Variants in NNT observed in about 807,000 individuals in gnomAD.
NNT encodes NAD(P) transhydrogenase, mitochondrial.
A neutral mutation model predicts 104.8 loss-of-function variants in NNT; 50 were observed. The observed-to-expected ratio is 0.48, with a 90% CI of 0.38 to 0.60. NNT has a LOEUF of 0.60. NNT is among the 20% of genes least tolerant of loss of function. The pLI, the probability that NNT is intolerant of heterozygous loss-of-function variation, is 0.00. For synonymous variants in NNT, 461 were observed against 490.4 expected, an observed-to-expected ratio of 0.94 and a Z score of 0.79; for missense variants, 1,131 against 1,330.7, an observed-to-expected ratio of 0.85 and a Z score of 2.33.
intron 6 of NNT, among the ~76,000 whole-genome samples, chr5:43,627,505 C>T (rs1164935316): frequency 6.6e-6 from 1 of 152,036 alleles, no homozygotes. Context: ...TGAGATTTAC[C>T]ATAGTGGAAT....
intron 15 of NNT, 80 bp from the exon 16 acceptor site, chr5:43,656,573 G>C: frequency 7.6e-7 from 1 of 1,308,694 alleles, no homozygotes; most frequent in Non-Finnish European, 1.1e-6. Context: ...AGAGATGACT[G>C]TGTAGAATTC....
Position 43,609,339 on chromosome 5 carries a change from A to G in NNT, c.144A>G (p.Val48=), listed in dbSNP as rs150910464. The change falls in exon 2 of 22, where the codon GTA becomes GTG. Residue 48 remains valine, a synonymous_variant. Transcript: ENST00000344920. The part of the protein sequence containing the change: ...THQELWCKAP[V]KPGIPYKQLT... ...AAGAACTGTGGTGTAAAGCGCCTGTAAAACCAGGTAAAGTCTCACTTCAGT... is the reference window on the plus strand; with the variant it reads ...AAGAACTGTGGTGTAAAGCGCCTGTGAAACCAGGTAAAGTCTCACTTCAGT... The G allele has an allele frequency of 6.6e-4, 1,073 of 1,613,898 alleles. 2 individuals are homozygous for G. The highest frequency in any genetic ancestry group is 1.8e-3 in the South Asian group (162 of 91,020).
At chr5:43,643,165 C>G (rs1166404518) in intron 7 of NNT, among the ~76,000 whole-genome samples, 1 of 152,156 alleles carries the variant, frequency 6.6e-6, no homozygotes, top group African/African-American at 2.4e-5. Context: ...TGATCCTCCC[C>G]ACCTCAGCCT....
In NNT at chr5:43,677,765, T is replaced by C; in HGVS notation, c.2835T>C (p.Ala945=). Residue 945 remains alanine, a synonymous_variant, in exon 19 of 22, where the codon GCT becomes GCC. Coordinates refer to ENST00000344920, the MANE Select transcript of NNT (RefSeq NM_182977.3). ...LCAAKAQYPI[A]DLVKMLTEQG... ...CAGCCAAAGCTCAATACCCCATTGC[T>C]GATTTGGTAAAGATGCTCACTGAGC... 1 of 1,613,816 alleles carries C rather than the reference T, an allele frequency of 6.2e-7. No homozygotes were observed. The highest frequency in any genetic ancestry group is 8.5e-7 in the Non-Finnish European group (1 of 1,179,734).
intron 19 of NNT, among the ~76,000 whole-genome samples, chr5:43,697,878 C>T (rs1402352693): frequency 6.6e-6 from 1 of 152,156 alleles, no homozygotes; most frequent in Non-Finnish European, 1.5e-5. Context: ...AGAGCTGCCC[C>T]CATGATTCAG....
intron 1 of NNT, among the ~76,000 whole-genome samples, chr5:43,604,547 C>T (rs1749103523): frequency 6.6e-6 from 1 of 152,144 alleles, no homozygotes. Flanking sequence ...GGTCACCTAG[C>T]CCTATTCATT....
chr5:43,629,329 A>G (rs1313704597), intron 7 of NNT, among the ~76,000 whole-genome samples: 1 of 152,140 alleles, frequency 6.6e-6, no homozygotes, highest in Non-Finnish European at 1.5e-5. Flanking sequence ...GCTGAGTGGT[A>G]TTCCATGGTG....
At position 43,642,267 on chromosome 5, in the gene NNT, G is replaced by A. The variant is rs114834372; in HGVS notation, c.965-1925G>A. On this transcript the variant is annotated intron_variant, in intron 7 of 21. Coordinates refer to ENST00000344920, the MANE Select transcript of NNT (RefSeq NM_182977.3). Reference sequence around the variant, plus strand: ...AAAGTACAGGTAGCCCTTTAAATGCGCCCCTCTATGTTGAGGCGGCCATAT... The same window carrying A: ...AAAGTACAGGTAGCCCTTTAAATGCACCCCTCTATGTTGAGGCGGCCATAT... Among the ~76,000 whole-genome samples the A allele has an allele frequency of 5.7e-3, 860 of 152,200 alleles. 6 individuals carry two copies. Among genetic ancestry groups the A allele is most frequent in the African/African-American group, 0.019 (780 of 41,516 alleles).
intron 2 of NNT, among the ~76,000 whole-genome samples, chr5:43,612,108 A>G (rs1009544099): frequency 1.3e-5 from 2 of 152,154 alleles, no homozygotes; most frequent in South Asian, 2.1e-4. Context: ...TGATGTTTCT[A>G]TCACTGTTAC....
chr5:43,685,972 C>T (rs907601300), intron 19 of NNT, among the ~76,000 whole-genome samples: 1 of 152,054 alleles, frequency 6.6e-6, no homozygotes, highest in Non-Finnish European at 1.5e-5. Flanking sequence ...TTTTGAATTG[C>T]TTCTTCTTCA....
In NNT at chr5:43,675,503, C is replaced by T. The variant is rs1421769312; in HGVS notation, c.2635-8C>T. The T allele has an allele frequency of 1.2e-6, 2 of 1,604,380 alleles. No homozygotes were observed. The highest frequency in any genetic ancestry group is 2.2e-5 in the East Asian group (1 of 44,558). ...TAAACTCTCACAGCTGATAATTTGGCTTTCTAGGCAATGAATCGCTCCCTG... is the reference window on the plus strand; with the variant it reads ...TAAACTCTCACAGCTGATAATTTGGTTTTCTAGGCAATGAATCGCTCCCTG... On this transcript the variant is annotated splice_polypyrimidine_tract_variant and splice_region_variant and intron_variant, in intron 17 of 21. Transcript: ENST00000344920.
At chr5:43,648,071 C>T (rs1411592205) in intron 10 of NNT, 9 of 1,223,336 alleles carry the variant, frequency 7.4e-6, no homozygotes, top group Middle Eastern at 2.3e-4. Flanking sequence ...TTATTCACAA[C>T]CCTATGCAAC....
At chr5:43,650,284 A>T (rs1739686220) in intron 11 of NNT, among the ~76,000 whole-genome samples, 193 bp from the exon 12 acceptor site, 1 of 152,248 alleles carries the variant, frequency 6.6e-6, no homozygotes. Flanking sequence ...GAATGATGTG[A>T]AGATGTGTTG....
intron 19 of NNT, among the ~76,000 whole-genome samples, chr5:43,694,459 T>TA (rs1265505475): frequency 6.6e-6 from 1 of 152,238 alleles, no homozygotes. Flanking sequence ...GTTCCTTTAA[T>TA]ACCTAGTTTA....
intron 10 of NNT, among the ~76,000 whole-genome samples, 192 bp from the exon 11 acceptor site, chr5:43,648,955 G>A (rs1201433188): frequency 1.3e-5 from 2 of 152,126 alleles, no homozygotes; most frequent in Non-Finnish European, 2.9e-5. Context: ...TGGTCAGAAA[G>A]TTGGGTTTTG....
intron 7 of NNT, among the ~76,000 whole-genome samples, chr5:43,638,570 A>G (rs1751056852): frequency 1.3e-5 from 2 of 151,406 alleles, no homozygotes; most frequent in African/African-American, 4.9e-5. Context: ...TGAGAAATCT[A>G]TTTTGGTTTG....
intron 19 of NNT, among the ~76,000 whole-genome samples, chr5:43,678,780 G>T (rs1741554262): frequency 6.6e-6 from 1 of 152,186 alleles, no homozygotes; most frequent in Non-Finnish European, 1.5e-5. Context: ...CCAGCTACTA[G>T]TAGTGGTGAA....
Position 43,675,609 on chromosome 5 carries a change from A to C in NNT, c.2733A>C (p.Glu911Asp). 3 of 1,613,170 alleles carry C rather than the reference A, an allele frequency of 1.9e-6. No homozygotes were observed. Among genetic ancestry groups the C allele is most frequent in the Non-Finnish European group, 2.5e-6 (3 of 1,179,654 alleles). ...KPMEISGTHT[E>D]INLDNAIDMI... ...TGGAAATTTCTGGCACACATACGGAAATCAACCTTGACAATGCAATTGACA... is the reference window on the plus strand; with the variant it reads ...TGGAAATTTCTGGCACACATACGGACATCAACCTTGACAATGCAATTGACA... Residue 911 changes from glutamate to aspartate, a missense_variant, in exon 18 of 22, where the codon GAA (glutamate) becomes GAC (aspartate). Coordinates refer to ENST00000344920, the MANE Select transcript of NNT (RefSeq NM_182977.3).
chr5:43,606,626 T>G (rs1165743514), intron 1 of NNT, among the ~76,000 whole-genome samples: 1 of 152,228 alleles, frequency 6.6e-6, no homozygotes, highest in Non-Finnish European at 1.5e-5. Flanking sequence ...TCTTTCTTCC[T>G]TAGCTATTTT....
Sources: allele counts gnomAD v4.1 joint callset (sites outside exome capture counted in the v4.1 genomes callset), GRCh38; gene constraint gnomAD v4.1.1; transcripts MANE v1.5; gene names NCBI Gene and HGNC (gene_info 2026-07-23, HGNC 2026-07-21).